Variants in TTC1 observed in about 807,000 individuals in gnomAD.
TTC1 encodes tetratricopeptide repeat domain 1.
TTC1 carries 31 observed loss-of-function variants against 37.6 expected under a neutral mutation model. The observed-to-expected ratio is 0.82, with a 90% CI of 0.62 to 1.11. The LOEUF is 1.11. Among genes scored for constraint, TTC1 ranks in the 50% most tolerant of loss-of-function variants. TTC1 has a pLI of 0.00. For synonymous variants in TTC1, 127 were observed against 122.4 expected, an observed-to-expected ratio of 1.04 and a Z score of -0.25; for missense variants, 351 against 339.0, an observed-to-expected ratio of 1.04 and a Z score of -0.28.
chr5:160,019,493 TC>T (rs1756664119), intron 2 of TTC1, among the ~76,000 whole-genome samples: 1 of 152,066 alleles, frequency 6.6e-6, no homozygotes, highest in Admixed American at 6.5e-5. Flanking sequence ...CAAAAAGTTC[TC>T]AGTAACTTCT....
intron 2 of TTC1, 127 bp downstream of exon 2, chr5:160,010,985 T>C (rs1164587440): frequency 1.6e-5 from 14 of 886,256 alleles, no homozygotes; most frequent in Non-Finnish European, 2.4e-5. Context: ...CTTATGGCTT[T>C]AGTAGTGTTG....
intron 2 of TTC1, among the ~76,000 whole-genome samples, chr5:160,024,590 G>A (rs947924062): frequency 1.3e-5 from 2 of 152,002 alleles, no homozygotes; most frequent in Admixed American, 6.6e-5. Context: ...TCAAACTTAC[G>A]GGCTCAAGTG....
chr5:160,019,751 A>G (rs1756673236), intron 2 of TTC1, among the ~76,000 whole-genome samples: 1 of 151,236 alleles, frequency 6.6e-6, no homozygotes. Context: ...CACCCAGCTA[A>G]TTTTTGTATT....
intron 7 of TTC1, chr5:160,061,883 A>G (rs1040031105): frequency 6.6e-6 from 1 of 152,402 alleles, no homozygotes; most frequent in Non-Finnish European, 1.5e-5. Context: ...CAGAGTTGGC[A>G]GACCCCTGTG....
intron 7 of TTC1, among the ~76,000 whole-genome samples, chr5:160,054,605 C>T (rs1387078035): frequency 7.4e-6 from 1 of 135,142 alleles, no homozygotes; most frequent in South Asian, 2.3e-4. Context: ...GTCTCAAAAA[C>T]AAAAAAAGAA....
At chr5:160,037,637 G>T (rs372650001) in intron 4 of TTC1, among the ~76,000 whole-genome samples, 3 of 152,164 alleles carry the variant, frequency 2.0e-5, no homozygotes, top group Non-Finnish European at 4.4e-5. Flanking sequence ...AGTCGCTGAA[G>T]CCTGGAGGCA....
At chr5:160,019,316 T>G (rs1372433627) in intron 2 of TTC1, among the ~76,000 whole-genome samples, 2 of 152,202 alleles carry the variant, frequency 1.3e-5, no homozygotes, top group Non-Finnish European at 2.9e-5. Flanking sequence ...AGTTTCAGTT[T>G]AGAACAGATG....
intron 2 of TTC1, among the ~76,000 whole-genome samples, chr5:160,020,624 A>G (rs1160573374): frequency 6.6e-6 from 1 of 152,164 alleles, no homozygotes; most frequent in African/African-American, 2.4e-5. Context: ...ACCTCATGTC[A>G]TATCCATGGT....
chr5:160,064,859 G>C, intron 7 of TTC1, 73 bp from the exon 8 acceptor site: 1 of 1,488,070 alleles, frequency 6.7e-7, no homozygotes. Flanking sequence ...TCAGTGGTAA[G>C]GCAAGATTAA....
At chr5:160,009,701 GT>G (rs1357439404) in intron 1 of TTC1, among the ~76,000 whole-genome samples, 4 of 152,130 alleles carry the variant, frequency 2.6e-5, no homozygotes, top group Admixed American at 6.5e-5. Context: ...AGTATCTCTA[GT>G]GTTCTCTTGG....
rs572774800 is a variant in TTC1 at position 160,065,359 on chromosome 5, A to G, written c.*294A>G. 1.9e-6 allele frequency: 1 copy of G among 528,892 alleles called. No individual in the cohort carries two copies. Among genetic ancestry groups the G allele is most frequent in the Non-Finnish European group, 3.6e-6 (1 of 275,450 alleles). The allele number at this position is 528,892 out of a possible 1,614,324, so 32.8% of individuals were successfully genotyped here. A position where few individuals can be genotyped will look rare whatever the true frequency, so the allele number is the denominator to read the frequency against. ...CCATTTGTTGAGGCTGACCTTCCTG[A>G]TCATACACACACACAGCCCAGCAAA... On this transcript the variant is annotated 3_prime_UTR_variant, in exon 8 of 8. Coordinates refer to ENST00000231238, the MANE Select transcript of TTC1 (RefSeq NM_003314.3).
chr5:160,009,498 C>T (rs1293515201), intron 1 of TTC1, among the ~76,000 whole-genome samples: 1 of 152,136 alleles, frequency 6.6e-6, no homozygotes, highest in Non-Finnish European at 1.5e-5. Flanking sequence ...GCAAATCTGT[C>T]GCAAATTTTT....
At chr5:160,053,381 T>C (rs1303474897) in intron 7 of TTC1, among the ~76,000 whole-genome samples, 1 of 152,118 alleles carries the variant, frequency 6.6e-6, no homozygotes, top group Non-Finnish European at 1.5e-5. Flanking sequence ...AAGACCAGCC[T>C]GGGCAACATG....
At chr5:160,047,108 A>C (rs1302222017) in intron 5 of TTC1, among the ~76,000 whole-genome samples, 1 of 152,186 alleles carries the variant, frequency 6.6e-6, no homozygotes, top group Non-Finnish European at 1.5e-5. Flanking sequence ...TTAAAATATA[A>C]AACTAATAAA....
At chr5:160,016,237 G>T (rs1027117012) in intron 2 of TTC1, among the ~76,000 whole-genome samples, 2 of 152,130 alleles carry the variant, frequency 1.3e-5, no homozygotes, top group South Asian at 4.1e-4. Flanking sequence ...AATTAGCCAG[G>T]TATGGCGGTG....
chr5:160,047,869 A>G (rs1757291952), intron 5 of TTC1, among the ~76,000 whole-genome samples: 1 of 152,042 alleles, frequency 6.6e-6, no homozygotes, highest in Non-Finnish European at 1.5e-5. Flanking sequence ...CTTCACTTGT[A>G]TTTCCATGAC....
chr5:160,014,997 G>C lies in TTC1; in HGVS notation c.330+4139G>C, dbSNP rs534944500. Among the ~76,000 whole-genome samples, 7 of 152,132 alleles carry C rather than the reference G, an allele frequency of 4.6e-5. No homozygotes were observed. The South Asian group carries it at 1.5e-3, about 32-fold the overall frequency. On this transcript the variant is annotated intron_variant, in intron 2 of 7. Coordinates refer to ENST00000231238, the MANE Select transcript of TTC1 (RefSeq NM_003314.3). ...TTCTGATAGTGTAGTGTATTTTTTT[G>C]TTATTCTTAATGTACCCCTTTTGAT... is the stretch of plus-strand genomic sequence containing the variant.
intron 5 of TTC1, among the ~76,000 whole-genome samples, chr5:160,047,959 G>A (rs1018700810): frequency 6.6e-6 from 1 of 151,964 alleles, no homozygotes; most frequent in Admixed American, 6.6e-5. Context: ...ATAGCATAAG[G>A]CTTCATGAGA....
intron 2 of TTC1, among the ~76,000 whole-genome samples, chr5:160,014,079 G>T (rs563126697): frequency 6.6e-6 from 1 of 152,142 alleles, no homozygotes; most frequent in South Asian, 2.1e-4. Context: ...ATAGTCATAC[G>T]GGATGGCTCA....
Sources: gnomAD v4.1 joint callset for allele counts (sites outside exome capture counted in the v4.1 genomes callset) on GRCh38, gnomAD v4.1.1 for gene constraint, MANE v1.5 for transcripts, NCBI Gene and HGNC (gene_info 2026-07-23, HGNC 2026-07-21) for gene names.